Variants in CGNL1 observed in about 807,000 individuals in gnomAD.
CGNL1 encodes the protein cingulin like 1.
In CGNL1, 132 loss-of-function variants were observed where a neutral mutation model predicts 141.2. That is an observed-to-expected ratio of 0.93 (90% confidence interval 0.81 to 1.08). The LOEUF (loss-of-function observed/expected upper bound fraction) is 1.08, where lower values mean the gene tolerates loss of function less well. Among genes scored for constraint, CGNL1 ranks in the 50% least tolerant of loss-of-function variants. The pLI is 0.00. For missense variants in CGNL1, 1,870 were observed against 1,588.6 expected, an observed-to-expected ratio of 1.18 and a Z score of -3.01; for synonymous variants, 690 against 622.1, an observed-to-expected ratio of 1.11 and a Z score of -1.63.
At chr15:57,455,223 C>T (rs1165153144) in intron 7 of CGNL1, among the ~76,000 whole-genome samples, 1 of 151,984 alleles carries the variant, frequency 6.6e-6, no homozygotes, top group South Asian at 2.1e-4. Flanking sequence ...ACATTTTTTA[C>T]ATTTATACTT....
intron 14 of CGNL1, among the ~76,000 whole-genome samples, chr15:57,535,135 T>A (rs2140197554): frequency 6.6e-6 from 1 of 152,320 alleles, no homozygotes; most frequent in East Asian, 1.9e-4. Flanking sequence ...CCTGGTGATT[T>A]GACCACAGTC....
intron 1 of CGNL1, among the ~76,000 whole-genome samples, chr15:57,394,276 A>G (rs1221512276): frequency 1.3e-5 from 2 of 151,736 alleles, no homozygotes; most frequent in African/African-American, 2.4e-5. Flanking sequence ...GGCATGTGCC[A>G]TCAAGCCCAG....
At chr15:57,383,386 C>T (rs2062446532) in intron 1 of CGNL1, among the ~76,000 whole-genome samples, 1 of 150,916 alleles carries the variant, frequency 6.6e-6, no homozygotes, top group Admixed American at 6.6e-5. Flanking sequence ...ACAACCTCCG[C>T]CTCCTGCATT....
chr15:57,392,034 G>A (rs1172043561), intron 1 of CGNL1, among the ~76,000 whole-genome samples: 2 of 150,696 alleles, frequency 1.3e-5, no homozygotes, highest in Non-Finnish European at 2.9e-5. Flanking sequence ...CCATAAGATG[G>A]TGAAAAAAAA....
intron 1 of CGNL1, among the ~76,000 whole-genome samples, chr15:57,401,111 T>A (rs1360062119): frequency 6.6e-6 from 1 of 152,174 alleles, no homozygotes; most frequent in Non-Finnish European, 1.5e-5. Flanking sequence ...TTTAAAAATA[T>A]ATTTGTATAC....
chr15:57,403,734 G>A (rs1282530375), intron 1 of CGNL1, among the ~76,000 whole-genome samples: 1 of 152,372 alleles, frequency 6.6e-6, no homozygotes, highest in Admixed American at 6.5e-5. Flanking sequence ...AATCTAAATA[G>A]ATGGAGGTGA....
At chr15:57,502,359 G>T (rs12915561) in intron 8 of CGNL1, among the ~76,000 whole-genome samples, 1 of 151,990 alleles carries the variant, frequency 6.6e-6, no homozygotes, top group Non-Finnish European at 1.5e-5. Flanking sequence ...TTGAGAGGCA[G>T]TGTGTTTCCA....
intron 13 of CGNL1, among the ~76,000 whole-genome samples, chr15:57,530,644 G>T (rs1359530446): frequency 6.6e-6 from 1 of 152,178 alleles, no homozygotes. Flanking sequence ...AGGCTTCGGT[G>T]CAGGGCCCAG....
chr15:57,516,244 G>A (rs1252740594), intron 8 of CGNL1, among the ~76,000 whole-genome samples: 1 of 151,916 alleles, frequency 6.6e-6, no homozygotes, highest in Non-Finnish European at 1.5e-5. Flanking sequence ...AGAAAGCGAG[G>A]GTTATGAGGA....
In CGNL1 at chr15:57,518,410, AGAG is replaced by A; in HGVS notation, c.2633_2635del (p.Glu878del). 1.2e-6 allele frequency: 2 copies of A among 1,613,242 alleles called. No homozygotes were observed. Among genetic ancestry groups the A allele is most frequent in the Non-Finnish European group, 1.7e-6 (2 of 1,179,556 alleles). On this transcript the variant is annotated inframe_deletion, in exon 10 of 19. Transcript: ENST00000281282. ...CATTGTAGGGAGAAATACGACAGTT[AGAG>A]GAGGCCCTTGTGCACGCCAGAAAGG...
intron 10 of CGNL1, among the ~76,000 whole-genome samples, chr15:57,520,192 A>T (rs1301364474): frequency 6.6e-6 from 1 of 152,208 alleles, no homozygotes; most frequent in African/African-American, 2.4e-5. Context: ...CTTTACCTGA[A>T]TTATCTGGTC....
intron 1 of CGNL1, among the ~76,000 whole-genome samples, chr15:57,397,817 CT>C (rs747832720): frequency 6.7e-6 from 1 of 149,726 alleles, no homozygotes; most frequent in African/African-American, 2.5e-5. Flanking sequence ...GAGTCTCTCT[CT>C]GTCGCCCATG....
At chr15:57,414,119 C>T (rs1262520634) in intron 1 of CGNL1, among the ~76,000 whole-genome samples, 3 of 152,144 alleles carry the variant, frequency 2.0e-5, no homozygotes, top group African/African-American at 7.2e-5. Flanking sequence ...TCTTGGTGAT[C>T]AGCCTCAAGC....
chr15:57,538,766 C>T (rs1296205260), intron 14 of CGNL1, among the ~76,000 whole-genome samples: 1 of 152,220 alleles, frequency 6.6e-6, no homozygotes, highest in Non-Finnish European at 1.5e-5. Context: ...TGCACTCTGC[C>T]TCACTCCACC....
Position 57,540,852 on chromosome 15 carries a change from C to T in CGNL1, c.3292-2844C>T, listed in dbSNP as rs75916053. 4.9e-3 allele frequency among the ~76,000 whole-genome samples: 754 copies of T among 152,346 alleles called. 10 individuals carry two copies. Among genetic ancestry groups the T allele is most frequent in the African/African-American group, 0.017 (717 of 41,588 alleles). ...TGAACAGCGAACAAACCCATCCTATCGTTCTGAGACTACCCTTGCCCAGCA... is the reference window on the plus strand; with the variant it reads ...TGAACAGCGAACAAACCCATCCTATTGTTCTGAGACTACCCTTGCCCAGCA... On this transcript the variant is annotated intron_variant, in intron 14 of 18. Transcript: ENST00000281282.
Position 57,516,091 on chromosome 15 carries a change from G to A in CGNL1, c.2404-689G>A, listed in dbSNP as rs537627532. Among the ~76,000 whole-genome samples, 25 of 150,878 alleles carry A rather than the reference G, an allele frequency of 1.7e-4. No individual in the cohort carries two copies. In the East Asian group the frequency reaches 3.7e-3, roughly 22 times the overall value. On this transcript the variant is annotated intron_variant, in intron 8 of 18. Coordinates refer to ENST00000281282, the MANE Select transcript of CGNL1 (RefSeq NM_032866.5). ...GGAGAATGGTGTGAACCCAGGAGGC[G>A]GAGCTTGCAGTGAGCCGACATCGCG...
chr15:57,419,020 C>A (rs1001139431), intron 1 of CGNL1, among the ~76,000 whole-genome samples: 1 of 152,064 alleles, frequency 6.6e-6, no homozygotes, highest in African/African-American at 2.4e-5. Flanking sequence ...CTCCGCCTCC[C>A]GGATTCAAGC....
Position 57,547,564 on chromosome 15 carries a change from G to T in CGNL1, c.*74G>T. ...GCCACCCAAAGTGGGAGGCAGGGAG[G>T]GGAGCATCTGTCTGCCACTGAGACC... On this transcript the variant is annotated 3_prime_UTR_variant, in exon 19 of 19. Coordinates refer to ENST00000281282, the MANE Select transcript of CGNL1 (RefSeq NM_032866.5). 6.5e-7 allele frequency: 1 copy of T among 1,537,194 alleles called. No homozygotes were observed. The highest frequency in any genetic ancestry group is 8.8e-7 in the Non-Finnish European group (1 of 1,130,202).
In CGNL1 at chr15:57,524,628, G is replaced by T; in HGVS notation, c.2916G>T (p.Gln972His). Residue 972 changes from glutamine (Q) to histidine (H), a missense_variant, in exon 12 of 19, where the codon CAG (glutamine) becomes CAT (histidine). Physicochemically the swap from Gln to His is conservative, Grantham distance 24. Transcript: ENST00000281282. ...CCCGTACCTCAACCCTGGAGCTCCA[G>T]AACCAGCTGGATGAGTATAAGGAGA... ...EASRTSTLEL[Q>H]NQLDEYKEKN... is the part of the protein sequence containing the mutation. 1 of 1,614,086 alleles carries T rather than the reference G, an allele frequency of 6.2e-7. No individual in the cohort carries two copies. The highest frequency in any genetic ancestry group is 1.3e-5 in the African/African-American group (1 of 75,042).
Sources: allele counts gnomAD v4.1 joint callset (sites outside exome capture counted in the v4.1 genomes callset), GRCh38; gene constraint gnomAD v4.1.1; transcripts MANE v1.5; gene names NCBI Gene and HGNC (gene_info 2026-07-23, HGNC 2026-07-21).